PRKAR2B: variants seen among roughly 807,000 people sequenced by gnomAD.
PRKAR2B encodes the protein protein kinase cAMP-dependent type II regulatory subunit beta.
PRKAR2B carries 14 observed loss-of-function variants against 49.9 expected under a neutral mutation model. The observed-to-expected ratio is 0.28, with a 90% confidence interval of 0.19 to 0.44. PRKAR2B has a LOEUF of 0.44. Ranked by LOEUF, PRKAR2B falls within the 20% of genes least tolerant of loss-of-function variation. The probability of loss-of-function intolerance (pLI) is 1.00; values close to 1 mark genes in which losing one functional copy is unlikely to be tolerated. For synonymous variants in PRKAR2B, 196 were observed against 197.7 expected (o/e 0.99, Z 0.07); for missense variants, 393 against 537.9 (o/e 0.73, Z 2.67).
chr7:107,121,588 A>T (rs1352304973), intron 2 of PRKAR2B, among the ~76,000 whole-genome samples: 1 of 152,164 alleles, frequency 6.6e-6, no homozygotes, highest in Non-Finnish European at 1.5e-5. Flanking sequence ...AAAGTTAGTC[A>T]CAACTATATG....
chr7:107,090,493 C>G lies in PRKAR2B; in HGVS notation c.343+20177C>G, dbSNP rs574424256. On this transcript the variant is annotated intron_variant, in intron 2 of 10. Coordinates refer to ENST00000265717, the MANE Select transcript of PRKAR2B (RefSeq NM_002736.3). ...CAGGGCTCAGAAACCCTGACCTCACCTGGAGCTAATTTTGACTGACCCATG... is the reference window on the plus strand; with the variant it reads ...CAGGGCTCAGAAACCCTGACCTCACGTGGAGCTAATTTTGACTGACCCATG... Among the ~76,000 whole-genome samples, 630 of 152,298 alleles carry G rather than the reference C, an allele frequency of 4.1e-3. 4 individuals carry two copies. The highest frequency in any genetic ancestry group is 5.8e-3 in the Non-Finnish European group (392 of 68,008).
At chr7:107,134,446 T>G (rs995000242) in intron 4 of PRKAR2B, among the ~76,000 whole-genome samples, 1 of 152,360 alleles carries the variant, frequency 6.6e-6, no homozygotes, top group African/African-American at 2.4e-5. Context: ...CTTTTATGTA[T>G]TATAAAGCTA....
At chr7:107,079,377 TAAG>T in intron 2 of PRKAR2B, 1 of 151,790 alleles carries the variant, frequency 6.6e-6, no homozygotes, top group East Asian at 1.9e-4. Flanking sequence ...CTACATGAGA[TAAG>T]AAACTTCTCA....
chr7:107,100,770 C>T (rs1794944538), intron 2 of PRKAR2B, among the ~76,000 whole-genome samples: 1 of 151,484 alleles, frequency 6.6e-6, no homozygotes, highest in African/African-American at 2.4e-5. Flanking sequence ...TCTCTTGAGC[C>T]CACCTAATGA....
chr7:107,109,426 ATTTTTTTT>A (rs35160187), intron 2 of PRKAR2B, among the ~76,000 whole-genome samples: 3 of 139,856 alleles, frequency 2.1e-5, no homozygotes, highest in African/African-American at 8.0e-5. Flanking sequence ...CACTCAGCTA[ATTTTTTTT>A]TTTTTTTTTT....
chr7:107,159,263 G>A (rs1044727793), intron 10 of PRKAR2B, among the ~76,000 whole-genome samples, 186 bp from the exon 11 acceptor site: 1 of 152,088 alleles, frequency 6.6e-6, no homozygotes, highest in Admixed American at 6.5e-5. Context: ...GTCCAAGAGC[G>A]TGGCCCTGGC....
chr7:107,155,675 C>A (rs1324379686), intron 8 of PRKAR2B, among the ~76,000 whole-genome samples: 3 of 150,406 alleles, frequency 2.0e-5, no homozygotes, highest in Non-Finnish European at 4.4e-5. Flanking sequence ...TCTTTTGATT[C>A]TTTTGAGAAG....
At position 107,045,017 on chromosome 7, in the gene PRKAR2B, C is replaced by G. The variant is rs1793661528; in HGVS notation, c.110C>G (p.Thr37Ser). 7.1e-6 allele frequency: 11 copies of G among 1,549,672 alleles called. No homozygotes were observed. Among genetic ancestry groups the G allele is most frequent in the Non-Finnish European group, 7.8e-6 (9 of 1,149,786 alleles). Residue 37 changes from threonine (T) to serine (S), a missense_variant, in exon 1 of 11, where the codon ACC (threonine) becomes AGC (serine). Physicochemically the swap from Thr to Ser is moderately conservative, Grantham distance 58 (BLOSUM62 1). Coordinates refer to ENST00000265717, the MANE Select transcript of PRKAR2B (RefSeq NM_002736.3). ...CTGGAGTTCGCGCTGCAGCACTTCACCCGCCTGCAGCAGGAGAACGAGCGC... is the reference window on the plus strand; with the variant it reads ...CTGGAGTTCGCGCTGCAGCACTTCAGCCGCCTGCAGCAGGAGAACGAGCGC... ...DLLEFALQHF[T>S]RLQQENERKG...
intron 1 of PRKAR2B, among the ~76,000 whole-genome samples, chr7:107,053,415 G>A (rs1477384839): frequency 1.3e-5 from 2 of 152,064 alleles, no homozygotes; most frequent in Non-Finnish European, 2.9e-5. Flanking sequence ...CATGAACCCC[G>A]TTTTGGAGAC....
At chr7:107,146,230 A>C in intron 5 of PRKAR2B, 78 bp from the exon 6 acceptor site, 1 of 1,410,684 alleles carries the variant, frequency 7.1e-7, no homozygotes, top group Non-Finnish European at 9.7e-7. Flanking sequence ...TTTATTTCAC[A>C]GGGCTCTTTT....
intron 2 of PRKAR2B, among the ~76,000 whole-genome samples, chr7:107,104,892 G>C (rs1584431170): frequency 6.6e-6 from 1 of 152,178 alleles, no homozygotes; most frequent in South Asian, 2.1e-4. Context: ...GCTATTAGGA[G>C]CTAGTAGGAG....
chr7:107,092,245 T>TTGTGTGTGTG lies in PRKAR2B; in HGVS notation c.343+21944_343+21953dup, dbSNP rs34502492. On this transcript the variant is annotated intron_variant, in intron 2 of 10. Transcript: ENST00000265717. ...CTGTATGTGATGGGGAACCATTAAG[T>TTGTGTGTGTG]TGTGTGTGTGTGTGTGTGTGTGTGC... 1.5e-4 allele frequency among the ~76,000 whole-genome samples: 22 copies of TTGTGTGTGTG among 148,394 alleles called. No individual in the cohort carries two copies. In the South Asian group the frequency reaches 2.4e-3, roughly 16 times the overall value.
chr7:107,118,554 G>A (rs575663863), intron 2 of PRKAR2B, among the ~76,000 whole-genome samples: 1 of 152,182 alleles, frequency 6.6e-6, no homozygotes, highest in Non-Finnish European at 1.5e-5. Context: ...CTGGAGGGCT[G>A]CGTCTCAGCC....
At chr7:107,124,024 T>A (rs1454807454) in intron 3 of PRKAR2B, among the ~76,000 whole-genome samples, 1 of 152,210 alleles carries the variant, frequency 6.6e-6, no homozygotes, top group Non-Finnish European at 1.5e-5. Flanking sequence ...GGGAAATATC[T>A]ATGAGGAAAA....
At chr7:107,119,375 G>T (rs893011653) in intron 2 of PRKAR2B, among the ~76,000 whole-genome samples, 1 of 152,180 alleles carries the variant, frequency 6.6e-6, no homozygotes, top group African/African-American at 2.4e-5. Context: ...CTCTGCTCTT[G>T]TTGTCCTTTG....
chr7:107,128,141 G>A (rs1795531780), intron 3 of PRKAR2B, 71 bp from the exon 4 acceptor site: 2 of 1,028,844 alleles, frequency 1.9e-6, no homozygotes, highest in Non-Finnish European at 2.9e-6. Context: ...ATTTTTGTTA[G>A]TTTTTAAAAT....
chr7:107,128,136 T>C, intron 3 of PRKAR2B, 76 bp from the exon 4 acceptor site: 1 of 943,348 alleles, frequency 1.1e-6, no homozygotes, highest in East Asian at 2.5e-5. Flanking sequence ...TTCTGATTTT[T>C]GTTAGTTTTT....
At chr7:107,121,861 C>T (rs1453464035) in intron 2 of PRKAR2B, 91 bp from the exon 3 acceptor site, 1 of 668,638 alleles carries the variant, frequency 1.5e-6, no homozygotes, top group Non-Finnish European at 2.4e-6. Flanking sequence ...TACCGTGGTA[C>T]TCTTTTTGTT....
At chr7:107,081,571 C>T (rs1014667717) in intron 2 of PRKAR2B, among the ~76,000 whole-genome samples, 7 of 151,900 alleles carry the variant, frequency 4.6e-5, no homozygotes, top group African/African-American at 1.7e-4. Flanking sequence ...AACCAAAATA[C>T]CTATTCAGGT....
Sources: allele counts gnomAD v4.1 joint callset (sites outside exome capture counted in the v4.1 genomes callset), GRCh38; gene constraint gnomAD v4.1.1; transcripts MANE v1.5; gene names NCBI Gene and HGNC (gene_info 2026-07-23, HGNC 2026-07-21).